KLF8: variants seen among roughly 807,000 people sequenced by gnomAD.
KLF8 encodes the protein Krueppel-like factor 8.
Under a neutral mutation model 18.2 loss-of-function variants are expected in KLF8, and 10 were observed. The observed-to-expected ratio is 0.55, with a 90% confidence interval of 0.34 to 0.93. The LOEUF is 0.93. Among genes scored for constraint, KLF8 ranks in the 40% least tolerant of loss-of-function variants. The pLI is 0.02. For missense variants in KLF8, 264 were observed against 277.9 expected (o/e 0.95, Z 0.36); for synonymous variants, 109 against 97.3 (o/e 1.12, Z -0.71).
chrX:55,944,454 C>T, the KLF8 span, among the ~76,000 whole-genome samples: 3 of 110,107 alleles, frequency 2.7e-5, no homozygotes, highest in South Asian at 4.0e-4. Context: ...GTGAATCCAT[C>T]TGGTCCTGGA....
At chrX:56,037,278 G>T in the KLF8 span, among the ~76,000 whole-genome samples, 4 of 111,435 alleles carry the variant, frequency 3.6e-5, no homozygotes, top group South Asian at 1.5e-3. Context: ...CTTGATCGTG[G>T]TGTATTATCT....
intron 5 of KLF8, among the ~76,000 whole-genome samples, chrX:56,274,756 A>G (rs979191391): frequency 8.9e-6 from 1 of 111,744 alleles, no homozygotes; most frequent in African/African-American, 3.3e-5. Context: ...TTTATTGAAG[A>G]GACAGTCCAT....
the KLF8 span, among the ~76,000 whole-genome samples, chrX:55,941,925 T>G: frequency 4.5e-5 from 5 of 111,621 alleles, no homozygotes; most frequent in Non-Finnish European, 7.5e-5. Context: ...GGTGGGATTG[T>G]AAACTAGTTC....
At chrX:56,068,263 G>A in the KLF8 span, among the ~76,000 whole-genome samples, 221 of 111,630 alleles carry the variant, frequency 2.0e-3, 3 homozygotes, top group Middle Eastern at 4.7e-3. Context: ...GGATGGCAGA[G>A]TGTGTGACCC....
chrX:56,050,198 T>G, the KLF8 span, among the ~76,000 whole-genome samples: 1 of 111,565 alleles, frequency 9.0e-6, no homozygotes, highest in Non-Finnish European at 1.9e-5. Context: ...ATCAATTTTG[T>G]TGATCCTTTC....
At chrX:56,002,607 C>T in the KLF8 span, among the ~76,000 whole-genome samples, 8 of 111,753 alleles carry the variant, frequency 7.2e-5, no homozygotes, top group Admixed American at 5.7e-4. Context: ...TTCTTAAGCA[C>T]CTATGTTTTC....
At chrX:55,956,142 T>C in the KLF8 span, among the ~76,000 whole-genome samples, 3 of 93,491 alleles carry the variant, frequency 3.2e-5, no homozygotes, top group African/African-American at 6.2e-5. Context: ...TCTATCTATC[T>C]ATCTATCTAT....
chrX:56,117,675 A>G, the KLF8 span, among the ~76,000 whole-genome samples: 6 of 112,314 alleles, frequency 5.3e-5, no homozygotes, highest in African/African-American at 1.9e-4. Context: ...TGCAGGACCA[A>G]CACATTGGAT....
the KLF8 span, among the ~76,000 whole-genome samples, chrX:56,048,762 G>C: frequency 9.0e-6 from 1 of 111,436 alleles, no homozygotes; most frequent in African/African-American, 3.3e-5. Context: ...CTCTTTTTTG[G>C]TTCCATATGA....
the KLF8 span, among the ~76,000 whole-genome samples, chrX:56,090,367 T>C: frequency 8.9e-6 from 1 of 111,853 alleles, no homozygotes; most frequent in Non-Finnish European, 1.9e-5. Context: ...TGTCTGGTTT[T>C]CATTAAAAAA....
At chrX:56,010,192 A>G in the KLF8 span, among the ~76,000 whole-genome samples, 2 of 111,581 alleles carry the variant, frequency 1.8e-5, no homozygotes, top group Non-Finnish European at 3.8e-5. Context: ...AACGAAAAAA[A>G]TGTTAAGGGC....
the KLF8 span, among the ~76,000 whole-genome samples, chrX:56,096,462 CAA>C: frequency 2.7e-5 from 3 of 110,845 alleles, no homozygotes; most frequent in Non-Finnish European, 5.7e-5. Flanking sequence ...AATGGTATCT[CAA>C]GAGAAATTTC....
the KLF8 span, among the ~76,000 whole-genome samples, chrX:56,196,633 C>A: frequency 9.0e-6 from 1 of 111,109 alleles, no homozygotes; most frequent in Non-Finnish European, 1.9e-5. Flanking sequence ...CTTAGAATCC[C>A]ACACAATAAT....
the KLF8 span, among the ~76,000 whole-genome samples, chrX:56,195,356 T>G: frequency 2.7e-5 from 3 of 111,903 alleles, no homozygotes; most frequent in Non-Finnish European, 5.6e-5. Context: ...GATGAATGGC[T>G]AACTAGAGTA....
chrX:56,092,321 A>C, the KLF8 span, among the ~76,000 whole-genome samples: 2 of 111,423 alleles, frequency 1.8e-5, no homozygotes, highest in African/African-American at 6.5e-5. Flanking sequence ...TTTTTAATTT[A>C]ATTAAGTCCA....
chrX:56,226,996 T>C, the KLF8 span, among the ~76,000 whole-genome samples: 7 of 112,320 alleles, frequency 6.2e-5, no homozygotes, highest in Non-Finnish European at 1.3e-4. Flanking sequence ...TCAATAGGTG[T>C]ATTGGCAGAA....
the KLF8 span, among the ~76,000 whole-genome samples, chrX:56,201,434 G>A: frequency 2.9e-4 from 32 of 111,378 alleles, no homozygotes; most frequent in Admixed American, 3.1e-3. Context: ...CAAAAACATG[G>A]TAGTTGTTAG....
chrX:56,029,996 C>T, the KLF8 span, among the ~76,000 whole-genome samples: 1 of 112,122 alleles, frequency 8.9e-6, no homozygotes, highest in African/African-American at 3.2e-5. Context: ...TTGTAATTTC[C>T]TTTGGATATC....
the KLF8 span, among the ~76,000 whole-genome samples, chrX:56,025,201 T>C: frequency 7.1e-5 from 8 of 112,603 alleles, no homozygotes; most frequent in African/African-American, 2.6e-4. Flanking sequence ...TCCTGGAATC[T>C]CAGGTACTGG....
Sources: gnomAD v4.1 joint callset for allele counts (sites outside exome capture counted in the v4.1 genomes callset) on GRCh38, gnomAD v4.1.1 for gene constraint, MANE v1.5 for transcripts, NCBI Gene and HGNC (gene_info 2026-07-23, HGNC 2026-07-21) for gene names.